Variants in PTBP2 observed in about 807,000 individuals in gnomAD.
PTBP2 encodes polypyrimidine tract binding protein 2.
PTBP2 carries 13 observed loss-of-function variants against 61.4 expected under a neutral mutation model. That is an observed-to-expected ratio of 0.21 (90% CI 0.14 to 0.34). PTBP2 has a LOEUF of 0.34. Ranked by LOEUF, PTBP2 falls within the 10% of genes least tolerant of loss-of-function variation. The probability of loss-of-function intolerance (pLI) is 1.00; values close to 1 mark genes in which losing one functional copy is unlikely to be tolerated. For synonymous variants in PTBP2, 215 were observed against 218.5 expected (o/e 0.98, Z 0.14); for missense variants, 405 against 642.6 (o/e 0.63, Z 4.00).
intron 3 of PTBP2, among the ~76,000 whole-genome samples, chr1:96,764,063 A>G (rs551453237): frequency 4.6e-5 from 7 of 152,350 alleles, no homozygotes; most frequent in South Asian, 4.1e-4. Flanking sequence ...TATCTAAAAT[A>G]TTTCTTGTAA....
At chr1:96,761,235 T>G (rs1261121175) in intron 3 of PTBP2, among the ~76,000 whole-genome samples, 1 of 152,150 alleles carries the variant, frequency 6.6e-6, no homozygotes, top group Non-Finnish European at 1.5e-5. Flanking sequence ...AAGCAGTAGA[T>G]TATCTCTGAG....
chr1:96,784,945 C>A (rs1265318714), intron 7 of PTBP2, 114 bp from the exon 8 acceptor site: 3 of 820,340 alleles, frequency 3.7e-6, no homozygotes, highest in Admixed American at 6.6e-5. Context: ...GAATCCTTTT[C>A]CTGGTAGCTT....
intron 3 of PTBP2, among the ~76,000 whole-genome samples, chr1:96,757,134 T>G (rs2100940557): frequency 6.6e-6 from 1 of 152,334 alleles, no homozygotes; most frequent in Non-Finnish European, 1.5e-5. Context: ...TTCTTTTGGA[T>G]ATTACTGGTC....
At chr1:96,795,636 C>G (rs1487747385) in intron 8 of PTBP2, among the ~76,000 whole-genome samples, 1 of 152,130 alleles carries the variant, frequency 6.6e-6, no homozygotes, top group Non-Finnish European at 1.5e-5. Flanking sequence ...AGTGATCATT[C>G]AGTACAGTAG....
At chr1:96,748,169 C>T (rs1654087232) in intron 2 of PTBP2, among the ~76,000 whole-genome samples, 1 of 152,112 alleles carries the variant, frequency 6.6e-6, no homozygotes, top group Non-Finnish European at 1.5e-5. Flanking sequence ...CCTAGGCTGC[C>T]ATCTCCACAG....
chr1:96,780,354 T>C (rs1449746464), intron 7 of PTBP2, among the ~76,000 whole-genome samples: 1 of 152,014 alleles, frequency 6.6e-6, no homozygotes, highest in Admixed American at 6.6e-5. Flanking sequence ...TCTATCACCC[T>C]GCCTCCCCTC....
chr1:96,754,078 A>C (rs1654884905), intron 3 of PTBP2, among the ~76,000 whole-genome samples: 1 of 152,202 alleles, frequency 6.6e-6, no homozygotes, highest in South Asian at 2.1e-4. Context: ...ATGTAGGCTA[A>C]ATAAAAAGAA....
In PTBP2 at chr1:96,813,405, A is replaced by G; in HGVS notation, c.1596A>G (p.Ter532=). The G allele has an allele frequency of 6.3e-7, 1 of 1,585,090 alleles. No individual in the cohort carries two copies. The highest frequency in any genetic ancestry group is 8.6e-7 in the Non-Finnish European group (1 of 1,165,812). The stretch of plus-strand genomic sequence containing the variant: ...TGTCTTTCTCCAAGTCAACAATTTA[A>G]AAATGGGAAGATGAAGATTGGGGGT... ...LRVSFSKSTI[*] The change falls in exon 14 of 14, where the codon TAA becomes TAG. Residue 532 remains the stop codon, a stop_retained_variant. Coordinates refer to ENST00000674951, the MANE Select transcript of PTBP2 (RefSeq NM_021190.4).
chr1:96,771,062 G>C (rs1410952259), intron 5 of PTBP2: 1 of 381,232 alleles, frequency 2.6e-6, no homozygotes, highest in Non-Finnish European at 4.6e-6. Flanking sequence ...TCTTTTTCTT[G>C]TTGCAAGTTA....
intron 2 of PTBP2, among the ~76,000 whole-genome samples, chr1:96,729,592 A>G (rs945080794): frequency 3.3e-5 from 5 of 152,152 alleles, no homozygotes; most frequent in Non-Finnish European, 5.9e-5. Context: ...CTACATATTC[A>G]ACTTATTTAA....
chr1:96,778,063 A>G (rs1024055046), intron 7 of PTBP2, 117 bp downstream of exon 7: 1 of 413,196 alleles, frequency 2.4e-6, no homozygotes, highest in Non-Finnish European at 4.2e-6. Context: ...GTAGAAATTG[A>G]TGGCATTAAT....
At chr1:96,738,434 T>C (rs1158634147) in intron 2 of PTBP2, among the ~76,000 whole-genome samples, 10 of 152,010 alleles carry the variant, frequency 6.6e-5, no homozygotes, top group Non-Finnish European at 1.2e-4. Context: ...CCACCACACC[T>C]GGCTAATTTT....
exon 14 of PTBP2, chr1:96,820,733 A>AT (rs1662660433): frequency 1.3e-5 from 2 of 151,834 alleles, no homozygotes; most frequent in South Asian, 2.1e-4. Context: ...TTTCTTAACC[A>AT]TTTAACATGT....
At chr1:96,756,421 A>G (rs1380562901) in intron 3 of PTBP2, among the ~76,000 whole-genome samples, 1 of 152,190 alleles carries the variant, frequency 6.6e-6, no homozygotes, top group African/African-American at 2.4e-5. Context: ...TCATTGTATG[A>G]TCCAGCAGTT....
At chr1:96,727,561 A>G (rs1650750746) in intron 2 of PTBP2, among the ~76,000 whole-genome samples, 1 of 152,066 alleles carries the variant, frequency 6.6e-6, no homozygotes, top group South Asian at 2.1e-4. Flanking sequence ...AATGCCTGTT[A>G]TCTTCTGTTT....
intron 3 of PTBP2, among the ~76,000 whole-genome samples, chr1:96,755,753 T>G (rs1398856843): frequency 3.9e-5 from 6 of 152,196 alleles, no homozygotes; most frequent in African/African-American, 1.4e-4. Flanking sequence ...TCCTGTATGA[T>G]TCCATTTATA....
rs1557783698 is a variant in PTBP2 at position 96,812,857 on chromosome 1, T to C, written c.1317T>C (p.Phe439=). The C allele has an allele frequency of 6.2e-7, 1 of 1,613,936 alleles. No individual in the cohort carries two copies. Among genetic ancestry groups the C allele is most frequent in the Admixed American group, 1.7e-5 (1 of 60,018 alleles). The part of the protein sequence containing the change: ...KDFGNSPLHR[F]KKPGSKNFQN... ...TTGGTAATTCCCCATTGCATCGTTT[T>C]AAGAAACCTGGATCCAAAAATTTTC... Residue 439 remains phenylalanine, a synonymous_variant, in exon 12 of 14, where the codon TTT becomes TTC. Transcript: ENST00000674951.
chr1:96,758,080 T>A (rs1050743109), intron 3 of PTBP2, among the ~76,000 whole-genome samples: 1 of 151,978 alleles, frequency 6.6e-6, no homozygotes, highest in African/African-American at 2.4e-5. Context: ...ACATAAATAA[T>A]ATAAAGTGGA....
chr1:96,779,616 C>T (rs1658425930), intron 7 of PTBP2, among the ~76,000 whole-genome samples: 1 of 152,060 alleles, frequency 6.6e-6, no homozygotes. Flanking sequence ...CAGGTATGCA[C>T]TCAGGTCTTC....
Sources: allele counts gnomAD v4.1 joint callset (sites outside exome capture counted in the v4.1 genomes callset), GRCh38; gene constraint gnomAD v4.1.1; transcripts MANE v1.5; gene names NCBI Gene and HGNC (gene_info 2026-07-23, HGNC 2026-07-21).